The following CCDC73 variants were observed in gnomAD, a reference collection of about 807,000 sequenced individuals.
CCDC73 encodes coiled-coil domain-containing protein 73.
Under a neutral mutation model 116.5 loss-of-function variants are expected in CCDC73, and 95 were observed. The observed-to-expected ratio is 0.82, with a 90% confidence interval of 0.69 to 0.97. CCDC73 has a LOEUF of 0.97. CCDC73 is among the 50% of genes least tolerant of loss of function. The pLI is 0.00. For synonymous variants in CCDC73, 398 were observed against 401.3 expected (o/e 0.99, Z 0.10); for missense variants, 1,066 against 1,206.8 (o/e 0.88, Z 1.73).
chr11:32,620,227 G>A (rs1855511432), intron 14 of CCDC73, among the ~76,000 whole-genome samples: 1 of 152,146 alleles, frequency 6.6e-6, no homozygotes, highest in African/African-American at 2.4e-5. Flanking sequence ...GCAGTTGGTG[G>A]CAGCTGTTGG....
At chr11:32,672,053 A>C (rs1395994339) in intron 9 of CCDC73, among the ~76,000 whole-genome samples, 1 of 152,202 alleles carries the variant, frequency 6.6e-6, no homozygotes, top group Non-Finnish European at 1.5e-5. Context: ...ATTGTGCATT[A>C]GAAATATAAT....
chr11:32,683,996 C>T (rs1490878149), intron 6 of CCDC73, among the ~76,000 whole-genome samples: 2 of 152,194 alleles, frequency 1.3e-5, no homozygotes, highest in African/African-American at 4.8e-5. Flanking sequence ...AACAGATCAT[C>T]TCACAATCCA....
Position 32,617,595 on chromosome 11 carries a change from C to T in CCDC73, c.1186-1466G>A, listed in dbSNP as rs144749072. On this transcript the variant is annotated intron_variant, in intron 14 of 17. Coordinates refer to ENST00000335185, the MANE Select transcript of CCDC73 (RefSeq NM_001008391.4). ...AGGTGATATCAGTAAAGATGAAGAGCTGTGAACCCATTGGTGATGTATGGA... is the reference window on the plus strand; with the variant it reads ...AGGTGATATCAGTAAAGATGAAGAGTTGTGAACCCATTGGTGATGTATGGA... Among the ~76,000 whole-genome samples, 378 of 152,298 alleles carry T rather than the reference C, an allele frequency of 2.5e-3. 1 individual carries two copies. The highest frequency in any genetic ancestry group is 6.8e-3 in the Middle Eastern group (2 of 294).
intron 2 of CCDC73, among the ~76,000 whole-genome samples, chr11:32,718,693 T>C (rs1849965787): frequency 6.6e-6 from 1 of 152,094 alleles, no homozygotes; most frequent in Non-Finnish European, 1.5e-5. Flanking sequence ...ACAGAAACTA[T>C]AGCTAAAAGC....
intron 2 of CCDC73, among the ~76,000 whole-genome samples, chr11:32,729,010 C>CTT (rs527449145): frequency 6.9e-6 from 1 of 144,732 alleles, no homozygotes. Flanking sequence ...CAGCCCAATT[C>CTT]TTTTTTTTTT....
chr11:32,811,500 C>A, the CCDC73 span, among the ~76,000 whole-genome samples: 1 of 152,026 alleles, frequency 6.6e-6, no homozygotes, highest in Non-Finnish European at 1.5e-5. Context: ...AGTCTGTTTG[C>A]ATTGCTGTAA....
intron 12 of CCDC73, among the ~76,000 whole-genome samples, chr11:32,649,762 T>A (rs1590568128): frequency 6.6e-6 from 1 of 152,200 alleles, no homozygotes; most frequent in East Asian, 1.9e-4. Flanking sequence ...AGGACTATCC[T>A]TTATCCTGAG....
the CCDC73 span, among the ~76,000 whole-genome samples, chr11:32,821,295 T>G: frequency 7.9e-5 from 12 of 152,162 alleles, no homozygotes; most frequent in Non-Finnish European, 2.9e-5. Flanking sequence ...TACAACAGAC[T>G]CTATACAAAG....
At chr11:32,611,010 G>A (rs946881362) in intron 17 of CCDC73, 122 bp downstream of exon 17, 63 of 869,162 alleles carry the variant, frequency 7.2e-5, no homozygotes, top group Admixed American at 5.3e-4. Flanking sequence ...GTGCCATGTT[G>A]CCCTCTTGAT....
intron 14 of CCDC73, among the ~76,000 whole-genome samples, chr11:32,631,272 C>T (rs113148427): frequency 0.028 from 4,210 of 152,266 alleles, 183 homozygotes; most frequent in African/African-American, 0.094. Flanking sequence ...CACCAACCAA[C>T]AGCAGAACAC....
At chr11:32,751,148 C>T (rs1353907505) in intron 2 of CCDC73, among the ~76,000 whole-genome samples, 3 of 152,140 alleles carry the variant, frequency 2.0e-5, no homozygotes, top group Non-Finnish European at 4.4e-5. Context: ...ATAACTCTGC[C>T]CAGTGCCCTA....
At chr11:32,806,454 T>G in the CCDC73 span, among the ~76,000 whole-genome samples, 1 of 151,894 alleles carries the variant, frequency 6.6e-6, no homozygotes, top group South Asian at 2.1e-4. Context: ...TGAAACCCCA[T>G]CTCTACATAA....
chr11:32,640,562 C>T (rs1855723259), intron 13 of CCDC73, among the ~76,000 whole-genome samples: 3 of 152,076 alleles, frequency 2.0e-5, no homozygotes, highest in Admixed American at 2.0e-4. Flanking sequence ...CTAAAATGAA[C>T]ATTACTATGC....
chr11:32,823,364 C>G, the CCDC73 span, among the ~76,000 whole-genome samples: 1 of 152,074 alleles, frequency 6.6e-6, no homozygotes, highest in Non-Finnish European at 1.5e-5. Context: ...ATCCCAGCAA[C>G]GCAGGGGGCT....
At chr11:32,658,919 A>T (rs1218159943) in intron 9 of CCDC73, among the ~76,000 whole-genome samples, 2 of 152,182 alleles carry the variant, frequency 1.3e-5, no homozygotes, top group East Asian at 3.8e-4. Context: ...AGAAACACAA[A>T]AATGGAAAGG....
Position 32,762,252 on chromosome 11 carries a change from C to T in CCDC73, c.-15-1994G>A, listed in dbSNP as rs117607989. 8.1e-3 allele frequency among the ~76,000 whole-genome samples: 1,236 copies of T among 152,218 alleles called. 33 individuals carry two copies. Among genetic ancestry groups the T allele is most frequent in the East Asian group, 0.07 (363 of 5,176 alleles). On this transcript the variant is annotated intron_variant, in intron 1 of 17. Coordinates refer to ENST00000335185, the MANE Select transcript of CCDC73 (RefSeq NM_001008391.4). Reference sequence around the variant, plus strand: ...AAATAACTAAAAATTCTAAATAAAACATTTTAAAATCTTCTCAAAAGCATC... The same window carrying T: ...AAATAACTAAAAATTCTAAATAAAATATTTTAAAATCTTCTCAAAAGCATC...
intron 1 of CCDC73, among the ~76,000 whole-genome samples, chr11:32,767,309 C>T (rs978867203): frequency 1.3e-4 from 20 of 152,044 alleles, no homozygotes; most frequent in South Asian, 6.2e-4. Context: ...ACACTTTATA[C>T]AAAAATTAAT....
chr11:32,769,671 G>A (rs959407957), intron 1 of CCDC73, among the ~76,000 whole-genome samples: 2 of 152,062 alleles, frequency 1.3e-5, no homozygotes, highest in African/African-American at 4.8e-5. Context: ...GAGAAATTGT[G>A]GCCATTTAAA....
At chr11:32,762,813 AG>A (rs567204708) in intron 1 of CCDC73, among the ~76,000 whole-genome samples, 145 of 152,192 alleles carry the variant, frequency 9.5e-4, no homozygotes, top group Non-Finnish European at 1.7e-3. Flanking sequence ...CGCCTTACCC[AG>A]GAAGTGCAAG....
Sources: allele counts gnomAD v4.1 joint callset (sites outside exome capture counted in the v4.1 genomes callset), GRCh38; gene constraint gnomAD v4.1.1; transcripts MANE v1.5; gene names NCBI Gene and HGNC (gene_info 2026-07-23, HGNC 2026-07-21).